Variants in SCN1A observed in about 807,000 individuals in gnomAD.
SCN1A encodes sodium channel protein type 1 subunit alpha.
SCN1A carries 13 observed loss-of-function variants against 193.7 expected under a neutral mutation model. The observed-to-expected ratio is 0.07, with a 90% CI of 0.04 to 0.11. SCN1A has a LOEUF of 0.11. Among genes scored for constraint, SCN1A ranks in the 10% least tolerant of loss-of-function variants. The pLI, the probability that SCN1A is intolerant of heterozygous loss-of-function variation, is 1.00. For synonymous variants in SCN1A, 781 were observed against 843.6 expected, an observed-to-expected ratio of 0.93 and a Z score of 1.29; for missense variants, 1,432 against 2,451.1, an observed-to-expected ratio of 0.58 and a Z score of 8.78.
In SCN1A at chr2:165,991,451, A is replaced by C. The variant is rs1417278980; in HGVS notation, c.5824T>G (p.Tyr1942Asp). The C allele has an allele frequency of 6.2e-7, 1 of 1,613,662 alleles. No individual in the cohort carries two copies. Among genetic ancestry groups the C allele is most frequent in the East Asian group, 2.2e-5 (1 of 44,852 alleles). Residue 1942 changes from tyrosine (Y) to aspartate (D), a missense_variant, in exon 29 of 29, where the codon TAC becomes GAC. By Grantham distance (160) the Tyr-to-Asp change is radical. Coordinates refer to ENST00000674923, the MANE Select transcript of SCN1A (RefSeq NM_001165963.4). ...CCACCTTTGATTTTGTTTTTATTGT[A>C]CGTAAAGGAAGCTTGTTTTACAGTT... Reference protein sequence around the residue: ...KRTVKQASFTYNKNKIKGGAN... With the variant: ...KRTVKQASFTDNKNKIKGGAN...
chr2:166,016,527 T>G (rs1693325836), intron 19 of SCN1A: 1 of 152,034 alleles, frequency 6.6e-6, no homozygotes, highest in East Asian at 1.9e-4. Flanking sequence ...TGCACATTTC[T>G]CTTTCTAGAG....
chr2:166,142,617 G>A (rs1252546752), intron 1 of SCN1A, among the ~76,000 whole-genome samples: 1 of 152,158 alleles, frequency 6.6e-6, no homozygotes, highest in Non-Finnish European at 1.5e-5. Flanking sequence ...TCATATGGAA[G>A]GTTGACACCT....
At chr2:166,136,434 A>ATG (rs1229116488) in intron 1 of SCN1A, among the ~76,000 whole-genome samples, 1 of 146,682 alleles carries the variant, frequency 6.8e-6, no homozygotes, top group Non-Finnish European at 1.5e-5. Flanking sequence ...ATATATATAT[A>ATG]TGTTATGTTA....
intron 16 of SCN1A, among the ~76,000 whole-genome samples, chr2:166,040,009 C>T (rs1226200011): frequency 6.8e-6 from 1 of 147,398 alleles, no homozygotes; most frequent in Non-Finnish European, 1.5e-5. Context: ...ACTGCAAGCT[C>T]CTGGGTTCAC....
At chr2:165,999,096 G>C (rs1690473118) in intron 25 of SCN1A, 1 of 151,372 alleles carries the variant, frequency 6.6e-6, no homozygotes, top group Admixed American at 6.6e-5. Context: ...TTTCAGTTTA[G>C]GTCTTGGAGC....
chr2:166,054,915 C>T (rs1334088462), intron 6 of SCN1A, 149 bp from the exon 7 acceptor site: 1 of 735,250 alleles, frequency 1.4e-6, no homozygotes, highest in African/African-American at 1.8e-5. Flanking sequence ...AAACGTAGCC[C>T]TAAATTTAAA....
chr2:166,026,122 T>A (rs1307021097), intron 19 of SCN1A, among the ~76,000 whole-genome samples: 1 of 152,102 alleles, frequency 6.6e-6, no homozygotes, highest in African/African-American at 2.4e-5. Context: ...TATAGAAATA[T>A]TCCATGAACC....
At chr2:166,135,846 C>G (rs1297336060) in intron 1 of SCN1A, among the ~76,000 whole-genome samples, 2 of 152,130 alleles carry the variant, frequency 1.3e-5, no homozygotes, top group African/African-American at 4.8e-5. Context: ...CTGGGATTGC[C>G]CCTATTCATA....
chr2:166,134,634 C>T (rs1691785067), intron 1 of SCN1A, among the ~76,000 whole-genome samples: 2 of 152,196 alleles, frequency 1.3e-5, no homozygotes, highest in South Asian at 4.1e-4. Context: ...TTCAGGAATG[C>T]AGGCCCAAAG....
intron 10 of SCN1A, 127 bp downstream of exon 10, chr2:166,048,759 A>G (rs1050351132): frequency 7.2e-6 from 5 of 693,050 alleles, no homozygotes; most frequent in South Asian, 1.7e-5. Context: ...AAAACCTTAC[A>G]TATAGCAAAT....
At chr2:166,086,294 A>G (rs1311170057) in intron 2 of SCN1A, among the ~76,000 whole-genome samples, 2 of 152,172 alleles carry the variant, frequency 1.3e-5, no homozygotes, top group African/African-American at 4.8e-5. Context: ...GTGCCTCATA[A>G]GAGACCACCC....
In SCN1A at chr2:166,054,622, C is replaced by CA; in HGVS notation, c.602+15dup. The CA allele has an allele frequency of 6.2e-7, 1 of 1,611,432 alleles. No homozygotes were observed. The highest frequency in any genetic ancestry group is 8.5e-7 in the Non-Finnish European group (1 of 1,178,276). ...CAAACTATGTTCTCTCTTAAAGTTT[C>CA]AAAAAAGGCACTTACGCAAATGTAA... On this transcript the variant is annotated intron_variant, in intron 7 of 28. Coordinates refer to ENST00000674923, the MANE Select transcript of SCN1A (RefSeq NM_001165963.4).
Position 166,036,147 on chromosome 2 carries a change from A to G in SCN1A, c.3330T>C (p.Ser1110=), listed in dbSNP as rs587781145. The change falls in exon 19 of 29, where the codon AGT becomes AGC. Residue 1110 remains serine (S), a synonymous_variant. Transcript: ENST00000674923. ...CAGCAATTGGTACAGTCACAGTAAG[A>G]CTGGGGTTGTTTATGAATGACATGT... The part of the protein sequence containing the change: ...SDYMSFINNP[S]LTVTVPIAVG... 2.1e-5 allele frequency: 34 copies of G among 1,613,864 alleles called. 1 individual carries two copies. In the South Asian group the frequency reaches 3.3e-4, roughly 16 times the overall value.
At chr2:166,114,657 C>T (rs1285464993) in intron 2 of SCN1A, among the ~76,000 whole-genome samples, 1 of 152,042 alleles carries the variant, frequency 6.6e-6, no homozygotes, top group Non-Finnish European at 1.5e-5. Flanking sequence ...TTTAAATTTA[C>T]TTCAAAAGTA....
chr2:165,999,892 A>C lies in SCN1A; in HGVS notation c.4285-116T>G, dbSNP rs530014921. ...AGGGAATATTTTTGAAAGACATTTC[A>C]AAACAAATTTTACACAGATTTTGGA... On this transcript the variant is annotated intron_variant, in intron 24 of 28. Coordinates refer to ENST00000674923, the MANE Select transcript of SCN1A (RefSeq NM_001165963.4). 2.1e-4 allele frequency: 176 copies of C among 857,736 alleles called. 1 individual carries two copies. The South Asian group carries it at 2.3e-3, about 11-fold the overall frequency. The allele number at this position is 857,736 out of a possible 1,614,324, so 53.1% of individuals were successfully genotyped here.
In SCN1A at chr2:166,036,542, C is replaced by A; in HGVS notation, c.2947-12G>T. 6.2e-7 allele frequency: 1 copy of A among 1,612,118 alleles called. No homozygotes were observed. Among genetic ancestry groups the A allele is most frequent in the Non-Finnish European group, 8.5e-7 (1 of 1,178,802 alleles). On this transcript the variant is annotated splice_polypyrimidine_tract_variant and intron_variant, in intron 18 of 28. Coordinates refer to ENST00000674923, the MANE Select transcript of SCN1A (RefSeq NM_001165963.4). ...AAGAGATTCAGGACCTTAAAAACAA[C>A]AAAAACATGATTATAATTTTACACC...
intron 21 of SCN1A, 28 bp from the exon 22 acceptor site, chr2:166,012,310 G>A (rs749693621): frequency 1.3e-6 from 2 of 1,551,736 alleles, no homozygotes; most frequent in East Asian, 2.3e-5. Context: ...CACATTATTA[G>A]CTTTCAAAAA....
rs369517865 is a variant in SCN1A at position 166,048,969 on chromosome 2, C to T, written c.965-20G>A. The T allele has an allele frequency of 4.6e-6, 7 of 1,521,138 alleles. No individual in the cohort carries two copies. The African/African-American group carries it at 5.5e-5, about 12-fold the overall frequency. The allele number at this position is 1,521,138 out of a possible 1,614,324, so 94.2% of individuals were successfully genotyped here. A position where few individuals can be genotyped will look rare whatever the true frequency, so the allele number is the denominator to read the frequency against. ...GATATCCTGTTTGAAAAAAGAAAGT[C>T]GTATGATGAACATTTGCATTGTTAA... On this transcript the variant is annotated intron_variant, in intron 9 of 28. Transcript: ENST00000674923.
rs2105403055 is a variant in SCN1A, at chr2:165,987,822, A to G, written c.*3423T>C. On this transcript the variant is annotated 3_prime_UTR_variant, in exon 29 of 29. Transcript: ENST00000674923. ...TACCAGTTCTTCTCTTTGTATTTGGAAAGGTAACAGTGAGTAATGGCGTGG... is the reference window on the plus strand; with the variant it reads ...TACCAGTTCTTCTCTTTGTATTTGGGAAGGTAACAGTGAGTAATGGCGTGG... 2 of 152,238 alleles carry G rather than the reference A, an allele frequency of 1.3e-5. 1 individual carries two copies. The highest frequency in any genetic ancestry group is 4.1e-4 in the South Asian group (2 of 4,832). The allele number at this position is 152,238 out of a possible 1,614,324, so 9.4% of individuals were successfully genotyped here. A position where few individuals can be genotyped will look rare whatever the true frequency, so the allele number is the denominator to read the frequency against.
Sources: allele counts gnomAD v4.1 joint callset (sites outside exome capture counted in the v4.1 genomes callset), GRCh38; gene constraint gnomAD v4.1.1; transcripts MANE v1.5; gene names NCBI Gene and HGNC (gene_info 2026-07-23, HGNC 2026-07-21).